PTPRD: variants seen among roughly 807,000 people sequenced by gnomAD.
The protein encoded by PTPRD is receptor-type tyrosine-protein phosphatase delta.
In PTPRD, 34 loss-of-function variants were observed where a neutral mutation model predicts 214.5. That is an observed-to-expected ratio of 0.16 (90% confidence interval 0.12 to 0.21). The LOEUF (loss-of-function observed/expected upper bound fraction) is 0.21. PTPRD is among the 10% of genes least tolerant of loss of function. PTPRD has a pLI of 1.00. For synonymous variants in PTPRD, 1,128 were observed against 845.7 expected, an observed-to-expected ratio of 1.33 and a Z score of -5.79; for missense variants, 2,545 against 2,398.7, an observed-to-expected ratio of 1.06 and a Z score of -1.27.
intron 10 of PTPRD, among the ~76,000 whole-genome samples, chr9:9,123,639 G>C (rs1592007100): frequency 6.6e-6 from 1 of 152,070 alleles, no homozygotes; most frequent in African/African-American, 2.4e-5. Flanking sequence ...TATCTTAGAG[G>C]TTAAAAAGCA....
chr9:8,604,775 CTG>C (rs1167780834), intron 14 of PTPRD, among the ~76,000 whole-genome samples: 13 of 152,246 alleles, frequency 8.5e-5, no homozygotes, highest in Non-Finnish European at 1.9e-4. Context: ...TCAAGTAAGT[CTG>C]TGAGTTTTCA....
intron 2 of PTPRD, among the ~76,000 whole-genome samples, chr9:10,402,862 G>A (rs1353391977): frequency 2.0e-5 from 3 of 151,568 alleles, no homozygotes; most frequent in African/African-American, 7.3e-5. Context: ...TTATTGCCTT[G>A]AAGCCTAAGG....
In PTPRD at chr9:8,454,463, C is replaced by T. The variant is rs537777857; in HGVS notation, c.3876-4626G>A. 37 of 976,028 alleles carry T rather than the reference C, an allele frequency of 3.8e-5. No individual in the cohort carries two copies. The African/African-American group carries it at 4.8e-4, about 13-fold the overall frequency. The allele number at this position is 976,028 out of a possible 1,614,324, so 60.5% of individuals were successfully genotyped here. A position where few individuals can be genotyped will look rare whatever the true frequency, so the allele number is the denominator to read the frequency against. On this transcript the variant is annotated intron_variant, in intron 33 of 45. Coordinates refer to ENST00000381196, the MANE Select transcript of PTPRD (RefSeq NM_002839.4). ...ATATGTAGGCTTTGCCCATCTTCCACGTGCCAGGTATTATCTTTTGTGTGC... is the reference window on the plus strand; with the variant it reads ...ATATGTAGGCTTTGCCCATCTTCCATGTGCCAGGTATTATCTTTTGTGTGC...
At chr9:8,853,567 T>C (rs996421987) in intron 11 of PTPRD, among the ~76,000 whole-genome samples, 1 of 152,190 alleles carries the variant, frequency 6.6e-6, no homozygotes, top group Non-Finnish European at 1.5e-5. Flanking sequence ...TTGGTAGAAA[T>C]GTCACTGTGC....
intron 7 of PTPRD, among the ~76,000 whole-genome samples, chr9:9,665,674 C>CTCAG (rs1456377030): frequency 6.6e-6 from 1 of 151,748 alleles, no homozygotes; most frequent in African/African-American, 2.4e-5. Context: ...ATGTAAGATA[C>CTCAG]TCAGAATAGT....
intron 10 of PTPRD, among the ~76,000 whole-genome samples, chr9:9,137,127 G>T (rs1297107642): frequency 2.6e-5 from 4 of 152,146 alleles, no homozygotes; most frequent in Non-Finnish European, 5.9e-5. Context: ...TGTTTTCACT[G>T]TTTCTGGAAT....
intron 9 of PTPRD, among the ~76,000 whole-genome samples, chr9:9,230,648 C>A (rs929077505): frequency 6.6e-6 from 1 of 151,968 alleles, no homozygotes; most frequent in Non-Finnish European, 1.5e-5. Flanking sequence ...GCTAGGACAC[C>A]CAGCTGTTTG....
chr9:9,255,350 G>A (rs187543273), intron 9 of PTPRD, among the ~76,000 whole-genome samples: 15 of 152,138 alleles, frequency 9.9e-5, no homozygotes, highest in Non-Finnish European at 2.1e-4. Flanking sequence ...TTCTTAAGGT[G>A]ACCAGAAGAT....
At chr9:10,418,529 C>G (rs1402631536) in intron 2 of PTPRD, among the ~76,000 whole-genome samples, 2 of 150,040 alleles carry the variant, frequency 1.3e-5, no homozygotes. Context: ...GTAATTTTCT[C>G]CATAGCATTT....
intron 8 of PTPRD, among the ~76,000 whole-genome samples, chr9:9,542,592 A>G (rs1246427718): frequency 6.6e-6 from 1 of 151,788 alleles, no homozygotes; most frequent in Non-Finnish European, 1.5e-5. Flanking sequence ...TATACAAAAT[A>G]TATAAAGAAC....
chr9:8,674,779 G>A (rs1316648319), intron 12 of PTPRD, among the ~76,000 whole-genome samples: 1 of 152,136 alleles, frequency 6.6e-6, no homozygotes, highest in Non-Finnish European at 1.5e-5. Flanking sequence ...ATTTCACAAG[G>A]TCACAGTCCA....
chr9:8,978,575 G>A (rs1474964502), intron 11 of PTPRD, among the ~76,000 whole-genome samples: 1 of 152,098 alleles, frequency 6.6e-6, no homozygotes, highest in African/African-American at 2.4e-5. Flanking sequence ...ATGACCAAGT[G>A]CACGCAGCCT....
chr9:9,218,004 C>T (rs1023802622), intron 9 of PTPRD, among the ~76,000 whole-genome samples: 1 of 152,088 alleles, frequency 6.6e-6, no homozygotes, highest in South Asian at 2.1e-4. Flanking sequence ...CGTTCATGTT[C>T]ACTCTGTTTG....
At chr9:9,667,979 T>G (rs2096755461) in intron 7 of PTPRD, among the ~76,000 whole-genome samples, 1 of 152,134 alleles carries the variant, frequency 6.6e-6, no homozygotes, top group South Asian at 2.1e-4. Flanking sequence ...TGGAACAACC[T>G]GCAGTAAAAT....
At chr9:8,494,661 A>T (rs1281578865) in intron 26 of PTPRD, among the ~76,000 whole-genome samples, 1 of 152,174 alleles carries the variant, frequency 6.6e-6, no homozygotes, top group East Asian at 1.9e-4. Flanking sequence ...TGAGACTTAT[A>T]TGTTTCTTAT....
chr9:9,671,302 A>G (rs1048530329), intron 7 of PTPRD, among the ~76,000 whole-genome samples: 52 of 152,148 alleles, frequency 3.4e-4, no homozygotes, highest in African/African-American at 1.2e-3. Flanking sequence ...TGGAATGGCT[A>G]TAGTTACCCA....
Position 8,674,735 on chromosome 9 carries a change from T to A in PTPRD, c.65-37891A>T, listed in dbSNP as rs553476687. On this transcript the variant is annotated intron_variant, in intron 12 of 45. Coordinates refer to ENST00000381196, the MANE Select transcript of PTPRD (RefSeq NM_002839.4). ...TGGCTCCCCTGGGCTAGATTATGAT[T>A]AAGGTACATTCAGAGAGGAAAAAAA... is the stretch of plus-strand genomic sequence containing the variant. Among the ~76,000 whole-genome samples the A allele has an allele frequency of 9.9e-5, 15 of 152,274 alleles. No individual in the cohort carries two copies. In the East Asian group the frequency reaches 2.9e-3, roughly 29 times the overall value.
intron 9 of PTPRD, among the ~76,000 whole-genome samples, chr9:9,388,908 A>T (rs1396632163): frequency 6.6e-6 from 1 of 152,160 alleles, no homozygotes; most frequent in African/African-American, 2.4e-5. Flanking sequence ...AATCTTTCAC[A>T]GTGGGCATTT....
chr9:9,327,545 C>A (rs901219406), intron 9 of PTPRD, among the ~76,000 whole-genome samples: 1 of 151,986 alleles, frequency 6.6e-6, no homozygotes, highest in Non-Finnish European at 1.5e-5. Context: ...TAAAAAGAAG[C>A]ACTTTTAAAC....
Sources: allele counts gnomAD v4.1 joint callset (sites outside exome capture counted in the v4.1 genomes callset), GRCh38; gene constraint gnomAD v4.1.1; transcripts MANE v1.5; gene names NCBI Gene and HGNC (gene_info 2026-07-23, HGNC 2026-07-21).